Variants in CNTNAP2 observed in about 807,000 individuals in gnomAD.
CNTNAP2 encodes contactin-associated protein-like 2.
In CNTNAP2, 98 loss-of-function variants were observed where a neutral mutation model predicts 155.2. The ratio of observed to expected loss-of-function variants is 0.63; its 90% CI spans 0.54 to 0.75. The LOEUF (loss-of-function observed/expected upper bound fraction) is 0.75. Ranked by LOEUF, CNTNAP2 falls within the 30% of genes least tolerant of loss-of-function variation. CNTNAP2 has a pLI of 0.00. For synonymous variants in CNTNAP2, 651 were observed against 631.2 expected (o/e 1.03, Z -0.47); for missense variants, 1,727 against 1,688.1 (o/e 1.02, Z -0.40).
At chr7:147,499,357 C>T (rs551648248) in intron 11 of CNTNAP2, among the ~76,000 whole-genome samples, 18 of 151,878 alleles carry the variant, frequency 1.2e-4, no homozygotes, top group South Asian at 6.3e-4. Context: ...GGTGAAACCC[C>T]GTCTCTACTA....
At chr7:148,415,105 T>C (rs1799949539) in intron 23 of CNTNAP2, among the ~76,000 whole-genome samples, 1 of 152,222 alleles carries the variant, frequency 6.6e-6, no homozygotes, top group African/African-American at 2.4e-5. Flanking sequence ...GATTCCTCCT[T>C]TTTGTTTCTC....
chr7:146,758,634 T>G (rs1802033070), intron 1 of CNTNAP2, among the ~76,000 whole-genome samples: 1 of 152,180 alleles, frequency 6.6e-6, no homozygotes, highest in Non-Finnish European at 1.5e-5. Flanking sequence ...GAAACTCTCC[T>G]TTCTAAAACC....
At chr7:148,399,053 C>G (rs1413851986) in intron 22 of CNTNAP2, among the ~76,000 whole-genome samples, 7 of 152,180 alleles carry the variant, frequency 4.6e-5, no homozygotes, top group African/African-American at 1.7e-4. Context: ...ACCACAAGTT[C>G]TCTTAGCTGA....
At chr7:147,778,172 C>T (rs879762690) in intron 13 of CNTNAP2, among the ~76,000 whole-genome samples, 2 of 152,146 alleles carry the variant, frequency 1.3e-5, no homozygotes, top group Non-Finnish European at 2.9e-5. Context: ...TTTCAATTTT[C>T]TTATAGCCTT....
At chr7:147,964,099 C>T (rs865774001) in intron 14 of CNTNAP2, among the ~76,000 whole-genome samples, 5 of 151,998 alleles carry the variant, frequency 3.3e-5, no homozygotes, top group South Asian at 2.1e-4. Flanking sequence ...GGGGTGGTGC[C>T]CTTATAAGTA....
chr7:147,725,833 T>A (rs947576876), intron 13 of CNTNAP2, among the ~76,000 whole-genome samples: 3 of 152,098 alleles, frequency 2.0e-5, no homozygotes, highest in Non-Finnish European at 4.4e-5. Flanking sequence ...ATCACAGAGC[T>A]GCTATAGGCC....
At chr7:148,140,609 A>T (rs1805045507) in intron 16 of CNTNAP2, among the ~76,000 whole-genome samples, 1 of 151,742 alleles carries the variant, frequency 6.6e-6, no homozygotes, top group Non-Finnish European at 1.5e-5. Flanking sequence ...TTTAATAGGG[A>T]TGGCATTTCT....
chr7:146,878,451 T>A (rs1795473521), intron 3 of CNTNAP2, among the ~76,000 whole-genome samples: 1 of 152,132 alleles, frequency 6.6e-6, no homozygotes, highest in African/African-American at 2.4e-5. Context: ...TCTTGAGTTT[T>A]TTTTTTTAAT....
At chr7:148,150,505 G>A (rs558481573) in intron 17 of CNTNAP2, among the ~76,000 whole-genome samples, 23 of 152,008 alleles carry the variant, frequency 1.5e-4, no homozygotes, top group African/African-American at 4.1e-4. Flanking sequence ...CCGAGATCGC[G>A]CCACTGTACT....
At chr7:146,456,063 A>G (rs1312013410) in intron 1 of CNTNAP2, among the ~76,000 whole-genome samples, 1 of 152,260 alleles carries the variant, frequency 6.6e-6, no homozygotes, top group Non-Finnish European at 1.5e-5. Flanking sequence ...CTTAAAAAAA[A>G]GGGGGAAATG....
At chr7:146,950,469 G>T (rs556249891) in intron 3 of CNTNAP2, among the ~76,000 whole-genome samples, 7 of 151,884 alleles carry the variant, frequency 4.6e-5, no homozygotes, top group African/African-American at 1.7e-4. Context: ...AACAGGCACC[G>T]ATGTGTGATC....
intron 8 of CNTNAP2, among the ~76,000 whole-genome samples, chr7:147,185,307 T>C (rs1460536574): frequency 3.3e-5 from 5 of 152,166 alleles, no homozygotes; most frequent in African/African-American, 1.2e-4. Context: ...CTTTAGATAA[T>C]TATTTAGCAT....
chr7:147,135,839 G>A (rs1213542638), intron 8 of CNTNAP2, among the ~76,000 whole-genome samples: 2 of 149,540 alleles, frequency 1.3e-5, no homozygotes, highest in Non-Finnish European at 3.0e-5. Context: ...ATACAGTTTG[G>A]AAAACACCGA....
At chr7:146,367,739 C>A (rs759439281) in intron 1 of CNTNAP2, among the ~76,000 whole-genome samples, 1 of 152,058 alleles carries the variant, frequency 6.6e-6, no homozygotes, top group Non-Finnish European at 1.5e-5. Flanking sequence ...AATTAATGGA[C>A]ATTTTAATTA....
At chr7:146,500,630 T>C (rs2129133186) in intron 1 of CNTNAP2, among the ~76,000 whole-genome samples, 1 of 152,300 alleles carries the variant, frequency 6.6e-6, no homozygotes, top group African/African-American at 2.4e-5. Flanking sequence ...TCTATGTTTA[T>C]CCAAAGACGT....
intron 9 of CNTNAP2, among the ~76,000 whole-genome samples, chr7:147,337,264 A>G (rs1393776124): frequency 6.6e-6 from 1 of 152,074 alleles, no homozygotes; most frequent in Admixed American, 6.6e-5. Flanking sequence ...GGGCAGATGA[A>G]GTCTCATCTG....
intron 3 of CNTNAP2, among the ~76,000 whole-genome samples, chr7:146,991,335 G>T (rs949571949): frequency 1.3e-5 from 2 of 150,950 alleles, no homozygotes; most frequent in African/African-American, 4.9e-5. Context: ...CAAATGTAAA[G>T]GAAGGACACC....
chr7:147,735,056 T>C (rs925156060), intron 13 of CNTNAP2, among the ~76,000 whole-genome samples: 1 of 152,104 alleles, frequency 6.6e-6, no homozygotes, highest in South Asian at 2.1e-4. Context: ...TTTTTTGCCT[T>C]CTGCTAGCTT....
intron 1 of CNTNAP2, among the ~76,000 whole-genome samples, chr7:146,428,958 T>G (rs991686787): frequency 5.9e-5 from 9 of 151,910 alleles, no homozygotes; most frequent in African/African-American, 2.2e-4. Context: ...AATTTTCAAT[T>G]TTCTGCATAT....
Sources: allele counts gnomAD v4.1 joint callset (sites outside exome capture counted in the v4.1 genomes callset), GRCh38; gene constraint gnomAD v4.1.1; transcripts MANE v1.5; gene names NCBI Gene and HGNC (gene_info 2026-07-23, HGNC 2026-07-21).